Variants in DCPS observed in about 807,000 individuals in gnomAD.
DCPS encodes the protein m7GpppX diphosphatase.
In DCPS, 27 loss-of-function variants were observed where a neutral mutation model predicts 34.7. That is an observed-to-expected ratio of 0.78 (90% CI 0.57 to 1.07). DCPS has a LOEUF of 1.07. Among genes scored for constraint, DCPS ranks in the 50% least tolerant of loss-of-function variants. The pLI is 0.00. For synonymous variants in DCPS, 185 were observed against 185.7 expected (o/e 1.00, Z 0.03); for missense variants, 464 against 436.9 (o/e 1.06, Z -0.55).
Position 126,334,248 on chromosome 11 carries a change from T to C in DCPS, c.522+2698T>C, listed in dbSNP as rs1168248373. On this transcript the variant is annotated intron_variant, in intron 3 of 5. Transcript: ENST00000263579. This position sits in a 1 kb window ranked among gnomAD's most constrained non-coding sequence, Gnocchi z 5.5. The stretch of plus-strand genomic sequence containing the variant: ...AAGAGTGGGTTTGCATGGAAGACAG[T>C]GAGTTCAGTTTGGAATTCATTGAGC... Among the ~76,000 whole-genome samples the C allele has an allele frequency of 6.6e-6, 1 of 152,148 alleles. No homozygotes were observed.
rs1282686633 is a variant in DCPS, at chr11:126,349,987, C to G, written c.*4374C>G. ...ATTTCAATACAATTTAATAAACAGG[C>G]TTTGAGCATCTACCCCCACCCCCTT... On this transcript the variant is annotated 3_prime_UTR_variant, in exon 6 of 6. Coordinates refer to ENST00000263579, the MANE Select transcript of DCPS (RefSeq NM_014026.6). This position sits in a 1 kb window ranked among gnomAD's most constrained non-coding sequence, Gnocchi z 5.4. Among the ~76,000 whole-genome samples the G allele has an allele frequency of 2.0e-5, 3 of 152,186 alleles. No homozygotes were observed. The highest frequency in any genetic ancestry group is 4.4e-5 in the Non-Finnish European group (3 of 68,034).
intron 1 of DCPS, among the ~76,000 whole-genome samples, chr11:126,304,966 C>G (rs1487509957): frequency 6.6e-6 from 1 of 152,114 alleles, no homozygotes; most frequent in Non-Finnish European, 1.5e-5. Flanking sequence ...GGGGGTTCCC[C>G]AGAAACTAGT....
At position 126,322,602 on chromosome 11, in the gene DCPS, T is replaced by C. The variant is rs1346508789; in HGVS notation, c.377-8803T>C. ...TCTTTCTATCCTAAAATTCCTTTTT[T>C]TTTTTTTTTGAGACGAAGTCTCACT... On this transcript the variant is annotated intron_variant, in intron 2 of 5. Coordinates refer to ENST00000263579, the MANE Select transcript of DCPS (RefSeq NM_014026.6). The surrounding 1 kb of genome is among the most constrained non-coding windows in gnomAD (Gnocchi z 4.2). Among the ~76,000 whole-genome samples, 2 of 151,710 alleles carry C rather than the reference T, an allele frequency of 1.3e-5. No individual in the cohort carries two copies. Among genetic ancestry groups the C allele is most frequent in the Non-Finnish European group, 2.9e-5 (2 of 67,874 alleles).
At position 126,322,837 on chromosome 11, in the gene DCPS, A is replaced by C. The variant is rs1040493897; in HGVS notation, c.377-8568A>C. ...TAAAATTCTTTAGCAAGAAGCAAAA[A>C]AATTTTTTTGAGACAATGTCTCACT... is the stretch of plus-strand genomic sequence containing the variant. On this transcript the variant is annotated intron_variant, in intron 2 of 5. Transcript: ENST00000263579. The surrounding 1 kb of genome is among the most constrained non-coding windows in gnomAD (Gnocchi z 4.2). Among the ~76,000 whole-genome samples the C allele has an allele frequency of 6.6e-6, 1 of 152,024 alleles. No homozygotes were observed. The highest frequency in any genetic ancestry group is 1.5e-5 in the Non-Finnish European group (1 of 68,008).
intron 2 of DCPS, among the ~76,000 whole-genome samples, chr11:126,317,201 C>T (rs1313600344): frequency 2.0e-5 from 3 of 150,948 alleles, no homozygotes; most frequent in Non-Finnish European, 2.9e-5. Context: ...CCTCGTGATC[C>T]ACCCTCCTCG....
chr11:126,306,877 A>T, intron 2 of DCPS, 133 bp downstream of exon 2: 2 of 1,102,228 alleles, frequency 1.8e-6, no homozygotes, highest in South Asian at 4.1e-5. Context: ...TCCCTAGGGG[A>T]CATTTGGCCA....
In DCPS at chr11:126,334,534, G is replaced by A. The variant is rs1235359638; in HGVS notation, c.522+2984G>A. 6.6e-6 allele frequency among the ~76,000 whole-genome samples: 1 copy of A among 152,038 alleles called. No homozygotes were observed. Among genetic ancestry groups the A allele is most frequent in the Admixed American group, 6.6e-5 (1 of 15,254 alleles). On this transcript the variant is annotated intron_variant, in intron 3 of 5. Coordinates refer to ENST00000263579, the MANE Select transcript of DCPS (RefSeq NM_014026.6). This position sits in a 1 kb window ranked among gnomAD's most constrained non-coding sequence, Gnocchi z 5.5. ...AATTTTTGTATTTTTAGTAGAGACG[G>A]AGTTTCACCATGTTGGCCAGGCTGG... is the stretch of plus-strand genomic sequence containing the variant.
chr11:126,340,273 A>C (rs540711056), intron 4 of DCPS, among the ~76,000 whole-genome samples: 1 of 152,078 alleles, frequency 6.6e-6, no homozygotes, highest in East Asian at 1.9e-4. Flanking sequence ...CTTAAACGTC[A>C]CACTTTGCTT....
In DCPS at chr11:126,345,475, G is replaced by C; in HGVS notation, c.876G>C (p.Val292=). The C allele has an allele frequency of 1.2e-6, 2 of 1,614,146 alleles. No individual in the cohort carries two copies. The highest frequency in any genetic ancestry group is 1.7e-6 in the Non-Finnish European group (2 of 1,180,024). The change falls in exon 6 of 6, where the codon GTG becomes GTC. Residue 292 remains valine, a synonymous_variant. Transcript: ENST00000263579. This position sits in a 1 kb window ranked among gnomAD's most constrained non-coding sequence, Gnocchi z 7.4. The part of the protein sequence containing the change: ...ALGFEAPGSG[V]ERAHLLAEVI... ...GCTTCGAGGCCCCCGGCTCAGGCGT[G>C]GAGCGGGCCCACCTGCTGGCTGAGG... is the stretch of plus-strand genomic sequence containing the variant.
At chr11:126,308,495 TCCATTGAG>T (rs1268790065) in intron 2 of DCPS, among the ~76,000 whole-genome samples, 2 of 152,196 alleles carry the variant, frequency 1.3e-5, no homozygotes, top group Non-Finnish European at 2.9e-5. Flanking sequence ...AGCCTTGTCT[TCCATTGAG>T]CAAAAGCCAG....
rs34637393 is a variant in DCPS at position 126,338,293 on chromosome 11, A to G, written c.530A>G (p.Tyr177Cys). ...ESQSLSIQWVYNILDKKAEAD... is the reference protein window; with the variant it reads ...ESQSLSIQWVCNILDKKAEAD... The stretch of plus-strand genomic sequence containing the variant: ...CTCTCCCCCTCCTTTCAGTGGGTGT[A>G]TAACATTCTCGACAAGAAGGCTGAA... The change falls in exon 4 of 6, where the codon TAT becomes TGT. Residue 177 changes from tyrosine (Y) to cysteine (C), a missense_variant. Physicochemically the swap from Tyr to Cys is radical, Grantham distance 194. Transcript: ENST00000263579. This position sits in a 1 kb window ranked among gnomAD's most constrained non-coding sequence, Gnocchi z 5.4. 369 of 1,614,126 alleles carry G rather than the reference A, an allele frequency of 2.3e-4. No individual in the cohort carries two copies. In the African/African-American group the frequency reaches 4.5e-3, roughly 20 times the overall value.
Position 126,335,730 on chromosome 11 carries a change from A to C in DCPS, c.523-2556A>C, listed in dbSNP as rs1365199416. Among the ~76,000 whole-genome samples, 6 of 152,250 alleles carry C rather than the reference A, an allele frequency of 3.9e-5. No homozygotes were observed. Among genetic ancestry groups the C allele is most frequent in the Non-Finnish European group, 8.8e-5 (6 of 68,054 alleles). ...CACTTGAGGTCAGGAGTTTGAGACCAGCCTGGCCAACATGACGCAACCCAT... is the reference window on the plus strand; with the variant it reads ...CACTTGAGGTCAGGAGTTTGAGACCCGCCTGGCCAACATGACGCAACCCAT... On this transcript the variant is annotated intron_variant, in intron 3 of 5. Transcript: ENST00000263579. This position sits in a 1 kb window ranked among gnomAD's most constrained non-coding sequence, Gnocchi z 4.8.
In DCPS at chr11:126,304,233, G is replaced by A. The variant is rs370274782; in HGVS notation, c.153G>A (p.Lys51=). ...RLPFSGFRLQ[K]VLRESARDKI... Reference sequence around the variant, plus strand: ...CGTTCTCCGGCTTCAGACTGCAGAAGGTGCTGAGGGAGTCTGCGCGGGACA... The same window carrying A: ...CGTTCTCCGGCTTCAGACTGCAGAAAGTGCTGAGGGAGTCTGCGCGGGACA... Residue 51 remains lysine, a synonymous_variant, in exon 1 of 6, where the codon AAG becomes AAA. Transcript: ENST00000263579. The A allele has an allele frequency of 6.8e-6, 11 of 1,614,140 alleles. No homozygotes were observed. Among genetic ancestry groups the A allele is most frequent in the Non-Finnish European group, 8.5e-6 (10 of 1,180,058 alleles).
Position 126,349,082 on chromosome 11 carries a change from AG to A in DCPS, c.*3473del, listed in dbSNP as rs1470639325. ...GAATGAGGCCTCCTGGATCTCACGC[AG>A]GGGATGGAGAGTAAGGACCAGCCCC... On this transcript the variant is annotated 3_prime_UTR_variant, in exon 6 of 6. Coordinates refer to ENST00000263579, the MANE Select transcript of DCPS (RefSeq NM_014026.6). The surrounding 1 kb of genome is among the most constrained non-coding windows in gnomAD (Gnocchi z 5.4). 1.3e-5 allele frequency among the ~76,000 whole-genome samples: 2 copies of A among 152,306 alleles called. No homozygotes were observed. The highest frequency in any genetic ancestry group is 4.8e-5 in the African/African-American group (2 of 41,570).
At position 126,327,843 on chromosome 11, in the gene DCPS, A is replaced by G. The variant is rs1329840993; in HGVS notation, c.377-3562A>G. Among the ~76,000 whole-genome samples the G allele has an allele frequency of 6.6e-6, 1 of 152,198 alleles. No individual in the cohort carries two copies. The highest frequency in any genetic ancestry group is 2.4e-5 in the African/African-American group (1 of 41,450). On this transcript the variant is annotated intron_variant, in intron 2 of 5. Transcript: ENST00000263579. This position sits in a 1 kb window ranked among gnomAD's most constrained non-coding sequence, Gnocchi z 4.1. ...GGCACTATTCCAGGTGCTGGGGACAAATTGTTTTCTTCCGGAAGCTGCATA... is the reference window on the plus strand; with the variant it reads ...GGCACTATTCCAGGTGCTGGGGACAGATTGTTTTCTTCCGGAAGCTGCATA...
intron 2 of DCPS, among the ~76,000 whole-genome samples, chr11:126,326,220 G>A (rs56406542): frequency 0.01 from 1,548 of 152,336 alleles, 13 homozygotes; most frequent in Non-Finnish European, 0.015. Context: ...GGGCAGGGGT[G>A]TTGCCAGGTA....
In DCPS at chr11:126,338,623, CA is replaced by C. The variant is rs1951853807; in HGVS notation, c.636+226del. On this transcript the variant is annotated intron_variant, in intron 4 of 5. Transcript: ENST00000263579. The surrounding 1 kb of genome is among the most constrained non-coding windows in gnomAD (Gnocchi z 5.4). Reference sequence around the variant, plus strand: ...AGCCCTTTCTGGCTGTCCTCCCACCCAAGAGGTAAAATGGGGTGATGTTTGT... The same window carrying C: ...AGCCCTTTCTGGCTGTCCTCCCACCCAGAGGTAAAATGGGGTGATGTTTGT... 6.6e-6 allele frequency among the ~76,000 whole-genome samples: 1 copy of C among 152,200 alleles called. No homozygotes were observed.
rs17135401 is a variant in DCPS, at chr11:126,348,878, C to G, written c.*3265C>G. Among the ~76,000 whole-genome samples the G allele has an allele frequency of 0.11, 16,676 of 152,212 alleles. 1,312 individuals are homozygous for G. The highest frequency in any genetic ancestry group is 0.23 in the African/African-American group (9,359 of 41,492). ...AGATCATTTCATGACCCACATTCTC[C>G]TTCCTTTTTACGAAGAAATGGGCTC... On this transcript the variant is annotated 3_prime_UTR_variant, in exon 6 of 6. Coordinates refer to ENST00000263579, the MANE Select transcript of DCPS (RefSeq NM_014026.6). The surrounding 1 kb of genome is among the most constrained non-coding windows in gnomAD (Gnocchi z 5.3).
At chr11:126,306,372 CA>C (rs576293314) in intron 1 of DCPS, among the ~76,000 whole-genome samples, 197 bp from the exon 2 acceptor site, 96 of 141,710 alleles carry the variant, frequency 6.8e-4, no homozygotes, top group African/African-American at 1.5e-3. Flanking sequence ...CACTCCATCT[CA>C]AAAAAAAAAA....
Sources: allele counts gnomAD v4.1 joint callset (sites outside exome capture counted in the v4.1 genomes callset), GRCh38; gene constraint gnomAD v4.1.1; non-coding constraint Gnocchi (gnomAD v3.1); transcripts MANE v1.5; gene names NCBI Gene and HGNC (gene_info 2026-07-23, HGNC 2026-07-21).